The following SYNE2 variants were observed in gnomAD, a reference collection of about 807,000 sequenced individuals.
The protein encoded by SYNE2 is nesprin-2.
In SYNE2, 431 loss-of-function variants were observed where a neutral mutation model predicts 856.3. The ratio of observed to expected loss-of-function variants is 0.50; its 90% CI spans 0.47 to 0.55. SYNE2 has a LOEUF of 0.55. Ranked by LOEUF, SYNE2 falls within the 20% of genes least tolerant of loss-of-function variation. The pLI, the probability that SYNE2 is intolerant of heterozygous loss-of-function variation, is 0.00. For missense variants in SYNE2, 8,129 were observed against 8,023.2 expected, an observed-to-expected ratio of 1.01 and a Z score of -0.50; for synonymous variants, 2,923 against 2,872.3, an observed-to-expected ratio of 1.02 and a Z score of -0.56.
At chr14:63,868,870 G>T (rs901278540) in intron 1 of SYNE2, among the ~76,000 whole-genome samples, 3 of 152,084 alleles carry the variant, frequency 2.0e-5, no homozygotes, top group African/African-American at 4.8e-5. Flanking sequence ...CTAATAAAGG[G>T]GACACCATTA....
chr14:64,105,307 AC>A (rs553016365), intron 64 of SYNE2, among the ~76,000 whole-genome samples: 188 of 152,316 alleles, frequency 1.2e-3, no homozygotes, highest in African/African-American at 4.2e-3. Context: ...GAAAATGCAA[AC>A]TTAGCGTGAC....
At chr14:63,877,251 C>A (rs533548115) in intron 1 of SYNE2, among the ~76,000 whole-genome samples, 1 of 152,030 alleles carries the variant, frequency 6.6e-6, no homozygotes, top group Non-Finnish European at 1.5e-5. Flanking sequence ...AAATAGCAGG[C>A]CCATTGAACT....
chr14:64,218,545 G>T (rs1161045522), intron 109 of SYNE2, 33 bp downstream of exon 109: 1 of 1,597,640 alleles, frequency 6.3e-7, no homozygotes, highest in Admixed American at 1.7e-5. Flanking sequence ...GTCCAGAGAG[G>T]CAGAGTATGG....
intron 83 of SYNE2, among the ~76,000 whole-genome samples, chr14:64,145,507 CAAAA>C (rs58238268): frequency 2.1e-5 from 2 of 93,724 alleles, no homozygotes; most frequent in African/African-American, 3.4e-5. Flanking sequence ...GACTCCGTCT[CAAAA>C]AAAAAAAAAA....
chr14:64,224,555 G>A lies in SYNE2; in HGVS notation c.20469+8G>A. ...CCAGCTCCCCGAGCAAAGGTAAGAA[G>A]CCCCTTCCTTCTGTGAGAACCTCAC... On this transcript the variant is annotated splice_region_variant and intron_variant, in intron 114 of 115. Transcript: ENST00000555002. 1 of 1,614,028 alleles carries A rather than the reference G, an allele frequency of 6.2e-7. No individual in the cohort carries two copies.
chr14:64,173,063 G>C (rs1479310257), intron 94 of SYNE2, among the ~76,000 whole-genome samples: 1 of 152,142 alleles, frequency 6.6e-6, no homozygotes, highest in Non-Finnish European at 1.5e-5. Context: ...AACAGGGAGG[G>C]AAAGAAAAAA....
chr14:64,207,546 CA>C (rs11330383), intron 100 of SYNE2, among the ~76,000 whole-genome samples: 82,808 of 132,690 alleles, frequency 0.62, 24,615 homozygotes, highest in African/African-American at 0.79. Flanking sequence ...ACCCTTGTCT[CA>C]AAAAAAAAAA....
chr14:64,218,462 A>T lies in SYNE2; in HGVS notation c.19607A>T (p.Asn6536Ile), dbSNP rs2098677218. The change falls in exon 109 of 116, where the codon AAC becomes ATC. Residue 6536 changes from asparagine to isoleucine, a missense_variant. Physicochemically the swap from Asn to Ile is moderately radical, Grantham distance 149. Coordinates refer to ENST00000555002, the MANE Select transcript of SYNE2 (RefSeq NM_182914.3). ...GKEGPRVLNG[N>I]PQQEDGGLAG... ...GAAGGCCCGCGAGTCCTGAATGGCA[A>T]CCCACAGCAGGAAGACGGGGGACTG... is the stretch of plus-strand genomic sequence containing the variant. 1 of 1,614,002 alleles carries T rather than the reference A, an allele frequency of 6.2e-7. No individual in the cohort carries two copies. Among genetic ancestry groups the T allele is most frequent in the Non-Finnish European group, 8.5e-7 (1 of 1,180,044 alleles).
chr14:64,141,865 A>G, intron 81 of SYNE2, 77 bp from the exon 82 acceptor site: 1 of 1,555,316 alleles, frequency 6.4e-7, no homozygotes, highest in Non-Finnish European at 8.8e-7. Flanking sequence ...TTATCAAACC[A>G]GATATCATCT....
rs1359583710 is a variant in SYNE2, at chr14:64,016,524, A to T, written c.4780A>T (p.Ile1594Leu). Residue 1594 changes from isoleucine (I) to leucine (L), a missense_variant, in exon 33 of 116, where the codon ATA becomes TTA. This residue lies in a region of SYNE2 where 2,422 missense variants were observed against 2,357.4 expected (regional missense o/e 1.03). Coordinates refer to ENST00000555002, the MANE Select transcript of SYNE2 (RefSeq NM_182914.3). ...FNEHLEVVDK[I>L]NQVCKNLQFY... ...TGAGCATTTAGAAGTTGTAGACAAG[A>T]TAAACCAGGTCTGCAAAAATCTACA... 1 of 1,603,400 alleles carries T rather than the reference A, an allele frequency of 6.2e-7. No homozygotes were observed. The highest frequency in any genetic ancestry group is 1.3e-5 in the African/African-American group (1 of 74,584).
chr14:63,787,944 C>A (rs2139757960), intron 1 of SYNE2, among the ~76,000 whole-genome samples: 1 of 152,338 alleles, frequency 6.6e-6, no homozygotes, highest in Non-Finnish European at 1.5e-5. Flanking sequence ...AGGCTGTTCT[C>A]ACCAAGGGGC....
intron 19 of SYNE2, 39 bp from the exon 20 acceptor site, chr14:63,990,370 CAG>C: frequency 6.3e-7 from 1 of 1,593,280 alleles, no homozygotes; most frequent in Non-Finnish European, 8.6e-7. Flanking sequence ...AGCATATAAT[CAG>C]AATGTTTATT....
intron 113 of SYNE2, 66 bp downstream of exon 113, chr14:64,223,446 T>G: frequency 6.3e-7 from 1 of 1,578,962 alleles, no homozygotes. Context: ...ACAGCAGTGT[T>G]GTAGCAATGC....
At chr14:64,149,506 C>T (rs767447567) in intron 84 of SYNE2, among the ~76,000 whole-genome samples, 4 of 152,124 alleles carry the variant, frequency 2.6e-5, no homozygotes, top group African/African-American at 4.8e-5. Context: ...CCATTGATGA[C>T]TGGAAAAAGG....
chr14:64,010,157 C>A, intron 32 of SYNE2, 41 bp downstream of exon 32: 4 of 1,581,446 alleles, frequency 2.5e-6, no homozygotes, highest in East Asian at 2.3e-5. Context: ...CCAGTGACCT[C>A]ACTGACAGGC....
intron 97 of SYNE2, among the ~76,000 whole-genome samples, chr14:64,186,889 A>T (rs1001569076): frequency 2.2e-4 from 34 of 152,216 alleles, no homozygotes; most frequent in Non-Finnish European, 4.3e-4. Flanking sequence ...GTAGGTGGCA[A>T]GTCCTAATCA....
intron 32 of SYNE2, among the ~76,000 whole-genome samples, chr14:64,013,496 A>G (rs990701410): frequency 6.6e-6 from 1 of 152,084 alleles, no homozygotes; most frequent in African/African-American, 2.4e-5. Context: ...CTCACCTTTT[A>G]TAGTCCCCAA....
chr14:63,788,564 C>T (rs1324203274), intron 1 of SYNE2, among the ~76,000 whole-genome samples: 3 of 152,106 alleles, frequency 2.0e-5, no homozygotes, highest in African/African-American at 7.2e-5. Context: ...CCTGCCTGCT[C>T]CATGGAGCAG....
rs773752983 is a variant in SYNE2 at position 64,143,923 on chromosome 14, G to A, written c.15458G>A (p.Arg5153His). The A allele has an allele frequency of 1.9e-5, 31 of 1,614,030 alleles. No individual in the cohort carries two copies. The highest frequency in any genetic ancestry group is 1.6e-4 in the Middle Eastern group (1 of 6,082). ...HLGEMNRQWHRVHGMLNRKIQ... is the reference protein window; with the variant it reads ...HLGEMNRQWHHVHGMLNRKIQ... ...GGGGAGATGAACCGCCAGTGGCACC[G>A]TGTACATGGAATGCTGAATAGAAAG... is the stretch of plus-strand genomic sequence containing the variant. Residue 5153 changes from arginine (R) to histidine (H), a missense_variant, in exon 83 of 116, where the codon CGT (arginine) becomes CAT (histidine). Arg to His is a conservative substitution (Grantham distance 29). Around this residue, in one of 3 missense-constraint regions of SYNE2, gnomAD observed 5,410 missense variants for 5,284.8 expected, o/e 1.02. Coordinates refer to ENST00000555002, the MANE Select transcript of SYNE2 (RefSeq NM_182914.3).
Sources: allele counts gnomAD v4.1 joint callset (sites outside exome capture counted in the v4.1 genomes callset), GRCh38; gene constraint gnomAD v4.1.1; regional missense constraint gnomAD v4.1.1; transcripts MANE v1.5; gene names NCBI Gene and HGNC (gene_info 2026-07-23, HGNC 2026-07-21).